Variants in GPR176 observed in about 807,000 individuals in gnomAD.
GPR176 encodes G protein-coupled receptor 176.
GPR176 carries 26 observed loss-of-function variants against 35.4 expected under a neutral mutation model. That is an observed-to-expected ratio of 0.74 (90% CI 0.54 to 1.02). The LOEUF is 1.02. Among genes scored for constraint, GPR176 ranks in the 50% least tolerant of loss-of-function variants. The pLI, the probability that GPR176 is intolerant of heterozygous loss-of-function variation, is 0.00. For missense variants in GPR176, 597 were observed against 665.3 expected (o/e 0.90, Z 1.13); for synonymous variants, 278 against 271.3 (o/e 1.02, Z -0.24).
chr15:39,897,219 G>A (rs905321708), intron 1 of GPR176, among the ~76,000 whole-genome samples: 2 of 152,230 alleles, frequency 1.3e-5, no homozygotes, highest in Non-Finnish European at 2.9e-5. Flanking sequence ...TATCCTTAAT[G>A]AAGCTGGCAA....
intron 1 of GPR176, among the ~76,000 whole-genome samples, chr15:39,814,213 C>G (rs1450690051): frequency 1.3e-5 from 2 of 152,324 alleles, no homozygotes; most frequent in Admixed American, 6.5e-5. Flanking sequence ...TCTTCATTCT[C>G]TTTTTCTGGA....
chr15:39,895,292 A>AGGGAG (rs1190032263), intron 1 of GPR176, among the ~76,000 whole-genome samples: 841 of 14,112 alleles, frequency 0.06, 15 homozygotes, highest in Middle Eastern at 0.11. Flanking sequence ...GGAGAGGAAG[A>AGGGAG]GGGGGAGGGG....
intron 1 of GPR176, among the ~76,000 whole-genome samples, chr15:39,877,844 G>A (rs2032311025): frequency 6.6e-6 from 1 of 152,008 alleles, no homozygotes; most frequent in Non-Finnish European, 1.5e-5. Context: ...TTACAGGAGT[G>A]AGCCACCGCA....
At chr15:39,919,807 T>C (rs370363084) in intron 1 of GPR176, 48 bp downstream of exon 1, 8 of 1,348,074 alleles carry the variant, frequency 5.9e-6, no homozygotes, top group Non-Finnish European at 7.7e-6. Context: ...TCTCCGAGCC[T>C]GTACCCTCGG....
chr15:39,801,330 G>A lies in GPR176; in HGVS notation c.1350C>T (p.Ser450=), dbSNP rs538072339. 2 of 1,614,094 alleles carry A rather than the reference G, an allele frequency of 1.2e-6. No individual in the cohort carries two copies. The highest frequency in any genetic ancestry group is 1.7e-6 in the Non-Finnish European group (2 of 1,179,948). ...VEPETFPDKY[S]LQFGFGPFEL... ...CAAAAGGCCCAAAGCCAAACTGCAG[G>A]GAATACTTATCAGGGAATGTTTCAG... The change falls in exon 3 of 3, where the codon TCC becomes TCT. Residue 450 remains serine (S), a synonymous_variant. Coordinates refer to ENST00000561100, the MANE Select transcript of GPR176 (RefSeq NM_007223.3).
intron 1 of GPR176, among the ~76,000 whole-genome samples, chr15:39,914,302 T>G (rs2033665091): frequency 7.1e-6 from 1 of 141,584 alleles, no homozygotes; most frequent in Admixed American, 8.0e-5. Context: ...ATTCAGGATA[T>G]CTTATTCTTT....
intron 1 of GPR176, among the ~76,000 whole-genome samples, chr15:39,869,587 C>T (rs554598131): frequency 6.6e-6 from 1 of 152,146 alleles, no homozygotes; most frequent in Non-Finnish European, 1.5e-5. Flanking sequence ...TTTCTTCTCT[C>T]TTCTCCTCAT....
chr15:39,819,691 A>G (rs1189316701), intron 1 of GPR176, among the ~76,000 whole-genome samples: 1 of 152,174 alleles, frequency 6.6e-6, no homozygotes, highest in Non-Finnish European at 1.5e-5. Context: ...TACAGGGAAT[A>G]CTCATGCACT....
chr15:39,801,534 C>T lies in GPR176; in HGVS notation c.1146G>A (p.Lys382=). 6.2e-7 allele frequency: 1 copy of T among 1,614,186 alleles called. No individual in the cohort carries two copies. Among genetic ancestry groups the T allele is most frequent in the Non-Finnish European group, 8.5e-7 (1 of 1,180,016 alleles). Reference sequence around the variant, plus strand: ...CACTCTCTTCCTCATCCTCTGTGGGCTTAAAGATCTGCTGCTGCCCAATGT... The same window carrying T: ...CACTCTCTTCCTCATCCTCTGTGGGTTTAAAGATCTGCTGCTGCCCAATGT... ...MFHIGQQQIF[K]PTEDEEESEA... Residue 382 remains lysine, a synonymous_variant, in exon 3 of 3, where the codon AAG becomes AAA. Transcript: ENST00000561100.
At chr15:39,821,077 C>T (rs1384800232) in intron 1 of GPR176, among the ~76,000 whole-genome samples, 1 of 152,188 alleles carries the variant, frequency 6.6e-6, no homozygotes, top group Admixed American at 6.5e-5. Context: ...ATTCGCCTAA[C>T]ATTTTAGCAT....
intron 1 of GPR176, among the ~76,000 whole-genome samples, chr15:39,868,926 G>A (rs938072688): frequency 3.0e-4 from 46 of 151,790 alleles, no homozygotes; most frequent in East Asian, 1.9e-4. Context: ...TGAGGTCACC[G>A]GAAATGGGAA....
intron 1 of GPR176, among the ~76,000 whole-genome samples, chr15:39,844,027 G>A (rs898327788): frequency 7.9e-5 from 12 of 152,210 alleles, no homozygotes; most frequent in South Asian, 4.1e-4. Context: ...TGCTACTAGC[G>A]TTCTAAATCT....
At chr15:39,889,134 T>G (rs1267491943) in intron 1 of GPR176, among the ~76,000 whole-genome samples, 4 of 152,236 alleles carry the variant, frequency 2.6e-5, no homozygotes, top group Non-Finnish European at 5.9e-5. Flanking sequence ...TTGCAAGGTT[T>G]AGATCTCTGT....
rs1345558810 is a variant in GPR176 at position 39,801,209 on chromosome 15, C to A, written c.1471G>T (p.Val491Leu). The change falls in exon 3 of 3, where the codon GTG (valine) becomes TTG (leucine). Residue 491 changes from valine (V) to leucine (L), a missense_variant. Coordinates refer to ENST00000561100, the MANE Select transcript of GPR176 (RefSeq NM_007223.3). The part of the protein sequence containing the change: ...NTPEELIQTK[V>L]PKVGRVERKM... ...CGCTCCACCCTGCCTACCTTGGGCA[C>A]CTTTGTCTGGATCAGCTCTTCTGGG... 1.9e-6 allele frequency: 3 copies of A among 1,613,976 alleles called. No homozygotes were observed. Among genetic ancestry groups the A allele is most frequent in the African/African-American group, 2.7e-5 (2 of 74,944 alleles).
chr15:39,824,511 G>T (rs1202389377), intron 1 of GPR176, among the ~76,000 whole-genome samples: 1 of 152,176 alleles, frequency 6.6e-6, no homozygotes, highest in African/African-American at 2.4e-5. Context: ...ATTATTTCTT[G>T]TTTGTAGCAA....
chr15:39,899,101 G>C (rs1328906543), intron 1 of GPR176, among the ~76,000 whole-genome samples: 1 of 152,160 alleles, frequency 6.6e-6, no homozygotes, highest in Non-Finnish European at 1.5e-5. Flanking sequence ...ATCAACATCA[G>C]CTAGACATTT....
At chr15:39,874,089 G>A (rs1274664246) in intron 1 of GPR176, among the ~76,000 whole-genome samples, 1 of 152,314 alleles carries the variant, frequency 6.6e-6, no homozygotes, top group Middle Eastern at 3.4e-3. Flanking sequence ...AGTGACTTAC[G>A]TAAGTCTGCA....
intron 1 of GPR176, among the ~76,000 whole-genome samples, chr15:39,873,149 T>A (rs1259549104): frequency 1.3e-5 from 2 of 152,184 alleles, no homozygotes; most frequent in African/African-American, 4.8e-5. Flanking sequence ...TATTGTCTTA[T>A]CTGATCTTCA....
chr15:39,881,556 T>A (rs1736231773), intron 1 of GPR176, among the ~76,000 whole-genome samples: 1 of 152,240 alleles, frequency 6.6e-6, no homozygotes, highest in African/African-American at 2.4e-5. Context: ...GGTTATGTTC[T>A]TAATAATCAT....
Sources: allele counts gnomAD v4.1 joint callset (sites outside exome capture counted in the v4.1 genomes callset), GRCh38; gene constraint gnomAD v4.1.1; transcripts MANE v1.5; gene names NCBI Gene and HGNC (gene_info 2026-07-23, HGNC 2026-07-21).